Variants in FBXO31 observed in about 807,000 individuals in gnomAD.
FBXO31 encodes the protein F-box protein 31.
In FBXO31, 24 loss-of-function variants were observed where a neutral mutation model predicts 54.4. The observed-to-expected ratio is 0.44, with a 90% CI of 0.32 to 0.62. FBXO31 has a LOEUF of 0.62. Among genes scored for constraint, FBXO31 ranks in the 20% least tolerant of loss-of-function variants. FBXO31 has a pLI of 0.05. For missense variants in FBXO31, 665 were observed against 787.1 expected, an observed-to-expected ratio of 0.84 and a Z score of 1.86; for synonymous variants, 388 against 335.6, an observed-to-expected ratio of 1.16 and a Z score of -1.71.
chr16:87,378,003 C>G (rs1906904302), intron 1 of FBXO31, among the ~76,000 whole-genome samples: 1 of 151,442 alleles, frequency 6.6e-6, no homozygotes, highest in African/African-American at 2.4e-5. Context: ...ACTAAAAATA[C>G]AAAAAATTAG....
intron 1 of FBXO31, among the ~76,000 whole-genome samples, chr16:87,380,941 C>T (rs1907049904): frequency 6.6e-6 from 1 of 152,212 alleles, no homozygotes; most frequent in Non-Finnish European, 1.5e-5. Flanking sequence ...CACAAAAAAC[C>T]TTGTTATCCC....
chr16:87,390,804 C>T (rs1321630246), upstream of FBXO31, among the ~76,000 whole-genome samples: 2 of 151,796 alleles, frequency 1.3e-5, no homozygotes, highest in African/African-American at 2.4e-5. Context: ...GCTATGTTGC[C>T]CAGTCAGGTC....
Position 87,370,332 on chromosome 16 carries a change from C to T in FBXO31, c.341-9966G>A, listed in dbSNP as rs554463361. Among the ~76,000 whole-genome samples the T allele has an allele frequency of 4.6e-5, 7 of 152,338 alleles. No homozygotes were observed. The East Asian group carries it at 7.7e-4, about 17-fold the overall frequency. Reference sequence around the variant, plus strand: ...ACACACAGAGTCACTATTCTGTGCACGGCACTGGCACTAGGGGGACTGCAG... The same window carrying T: ...ACACACAGAGTCACTATTCTGTGCATGGCACTGGCACTAGGGGGACTGCAG... On this transcript the variant is annotated intron_variant, in intron 1 of 8. Coordinates refer to ENST00000311635, the MANE Select transcript of FBXO31 (RefSeq NM_024735.5).
chr16:87,365,661 C>G (rs1053124519), intron 1 of FBXO31, among the ~76,000 whole-genome samples: 2 of 152,218 alleles, frequency 1.3e-5, no homozygotes, highest in African/African-American at 4.8e-5. Flanking sequence ...ACATGCATTT[C>G]CAAACAATTT....
intron 2 of FBXO31, among the ~76,000 whole-genome samples, chr16:87,353,265 C>A (rs1163976954): frequency 6.6e-6 from 1 of 152,164 alleles, no homozygotes; most frequent in African/African-American, 2.4e-5. Context: ...GTACAAAGAC[C>A]CTGTGATGAC....
intron 1 of FBXO31, among the ~76,000 whole-genome samples, chr16:87,382,523 A>G (rs1193275962): frequency 6.6e-6 from 1 of 152,202 alleles, no homozygotes; most frequent in East Asian, 1.9e-4. Context: ...TGTTACATCC[A>G]ATATTGCTGA....
Position 87,328,705 on chromosome 16 carries a change from A to G in FBXO31, c.*2583T>C, listed in dbSNP as rs1175749300. The G allele has an allele frequency of 1.3e-5, 2 of 152,266 alleles. No homozygotes were observed. The highest frequency in any genetic ancestry group is 4.8e-5 in the African/African-American group (2 of 41,460). The allele number at this position is 152,266 out of a possible 1,614,324, so 9.4% of individuals were successfully genotyped here. A position where few individuals can be genotyped will look rare whatever the true frequency, so the allele number is the denominator to read the frequency against. ...AACACGTTCAGGTGTGCAGAGCTGC[A>G]CTGCAGGCAGCCCCACTCCAGAGAG... is the stretch of plus-strand genomic sequence containing the variant. On this transcript the variant is annotated 3_prime_UTR_variant, in exon 9 of 9. Transcript: ENST00000311635.
chr16:87,386,331 A>C (rs1459815310), upstream of FBXO31: 1 of 152,260 alleles, frequency 6.6e-6, no homozygotes, highest in African/African-American at 2.4e-5. Context: ...ACAGTGATGA[A>C]AGTGGTGTTT....
Position 87,335,328 on chromosome 16 carries a change from C to A in FBXO31, c.972G>T (p.Arg324=). The change falls in exon 7 of 9, where the codon CGG becomes CGT. Residue 324 remains arginine (R), a synonymous_variant. Transcript: ENST00000311635. This position sits in a 1 kb window ranked among gnomAD's most constrained non-coding sequence, Gnocchi z 5.7. ...CCGTGATCTTGGTGCCCCTGGCACG[C>A]CGGCCGTGGAAGCTGAGCATCACAA... ...LEIVMLSFHG[R]RARGTKITGD... The A allele has an allele frequency of 6.2e-7, 1 of 1,613,862 alleles. No homozygotes were observed. The highest frequency in any genetic ancestry group is 1.7e-4 in the Middle Eastern group (1 of 6,060).
chr16:87,342,822 G>T (rs964408047), intron 5 of FBXO31, 55 bp downstream of exon 5: 1 of 1,452,008 alleles, frequency 6.9e-7, no homozygotes, highest in Non-Finnish European at 9.4e-7. Context: ...TACTTTCCCC[G>T]TGGGGAAAGG....
chr16:87,361,202 G>A (rs1337173030), intron 1 of FBXO31, among the ~76,000 whole-genome samples: 1 of 152,214 alleles, frequency 6.6e-6, no homozygotes, highest in Non-Finnish European at 1.5e-5. Context: ...GCCATGCTGG[G>A]CATCACCTCA....
At chr16:87,339,701 C>A (rs894059324) in intron 5 of FBXO31, among the ~76,000 whole-genome samples, 3 of 152,206 alleles carry the variant, frequency 2.0e-5, no homozygotes, top group Admixed American at 6.5e-5. Context: ...ATACACTGAC[C>A]GTAAGCGTGC....
intron 3 of FBXO31, among the ~76,000 whole-genome samples, chr16:87,344,260 C>A (rs1000217271): frequency 6.6e-6 from 1 of 152,250 alleles, no homozygotes; most frequent in South Asian, 2.1e-4. Context: ...AGCTGAAATG[C>A]CACGGGCCTG....
chr16:87,343,297 G>A (rs1032376809), intron 4 of FBXO31, among the ~76,000 whole-genome samples: 4 of 152,386 alleles, frequency 2.6e-5, no homozygotes, highest in South Asian at 2.1e-4. Context: ...AACAGAGAGC[G>A]CACTTGATTC....
intron 1 of FBXO31, among the ~76,000 whole-genome samples, chr16:87,361,298 T>C (rs561476549): frequency 6.6e-6 from 1 of 152,288 alleles, no homozygotes; most frequent in African/African-American, 2.4e-5. Context: ...GTGACATGAC[T>C]CCACAAAGGA....
chr16:87,387,161 C>T (rs1338523553), upstream of FBXO31, among the ~76,000 whole-genome samples: 2 of 151,932 alleles, frequency 1.3e-5, no homozygotes, highest in Non-Finnish European at 2.9e-5. Context: ...AAAAGAATGA[C>T]CGTGAGCGCT....
At chr16:87,369,560 T>G (rs1906509583) in intron 1 of FBXO31, among the ~76,000 whole-genome samples, 1 of 152,230 alleles carries the variant, frequency 6.6e-6, no homozygotes, top group Non-Finnish European at 1.5e-5. Flanking sequence ...CACGCTGTGT[T>G]CATCCGTTTA....
At chr16:87,342,030 GGC>G (rs1371054794) in intron 5 of FBXO31, among the ~76,000 whole-genome samples, 1 of 152,164 alleles carries the variant, frequency 6.6e-6, no homozygotes. Context: ...TGGGCAACAT[GGC>G]ATAACCCCGT....
chr16:87,390,861 G>C (rs1597386017), upstream of FBXO31, among the ~76,000 whole-genome samples: 1 of 152,124 alleles, frequency 6.6e-6, no homozygotes, highest in East Asian at 1.9e-4. Context: ...GCCTCCCTGA[G>C]AGCTGGGTTT....
Sources: allele counts gnomAD v4.1 joint callset (sites outside exome capture counted in the v4.1 genomes callset), GRCh38; gene constraint gnomAD v4.1.1; non-coding constraint Gnocchi (gnomAD v3.1); transcripts MANE v1.5; gene names NCBI Gene and HGNC (gene_info 2026-07-23, HGNC 2026-07-21).